Variants in LRRTM3 observed in about 807,000 individuals in gnomAD.
The protein encoded by LRRTM3 is leucine-rich repeat transmembrane neuronal protein 3.
LRRTM3 carries 24 observed loss-of-function variants against 44.7 expected under a neutral mutation model. That is an observed-to-expected ratio of 0.54 (90% CI 0.39 to 0.76). The LOEUF is 0.76. Among genes scored for constraint, LRRTM3 ranks in the 30% least tolerant of loss-of-function variants. The pLI is 0.00. For synonymous variants in LRRTM3, 277 were observed against 278.7 expected, an observed-to-expected ratio of 0.99 and a Z score of 0.06; for missense variants, 587 against 702.2, an observed-to-expected ratio of 0.84 and a Z score of 1.85.
intron 2 of LRRTM3, among the ~76,000 whole-genome samples, chr10:67,012,719 T>C (rs76992966): frequency 0.022 from 3,406 of 152,210 alleles, 141 homozygotes; most frequent in African/African-American, 0.078. Flanking sequence ...TTTGATGTAT[T>C]TCCAGCTTCA....
intron 2 of LRRTM3, among the ~76,000 whole-genome samples, chr10:66,978,051 CACATAT>C (rs79645754): frequency 4.1e-4 from 46 of 113,346 alleles, no homozygotes; most frequent in South Asian, 3.9e-3. Flanking sequence ...AATTTGCACA[CACATAT>C]ATATATATAT....
intron 2 of LRRTM3, among the ~76,000 whole-genome samples, chr10:67,045,673 C>T (rs933712224): frequency 1.3e-5 from 2 of 152,160 alleles, no homozygotes; most frequent in East Asian, 1.9e-4. Flanking sequence ...CTAGTCCTGG[C>T]GCGGGATGGG....
intron 2 of LRRTM3, among the ~76,000 whole-genome samples, chr10:66,936,782 T>G (rs1409445353): frequency 1.3e-5 from 2 of 152,148 alleles, no homozygotes; most frequent in African/African-American, 4.8e-5. Flanking sequence ...CAGAGCTTTC[T>G]TGGTTTCTTA....
In LRRTM3 at chr10:66,926,455, G is replaced by T. The variant is rs1231940513; in HGVS notation, c.-129G>T. 3.0e-6 allele frequency: 3 copies of T among 1,000,038 alleles called. No individual in the cohort carries two copies. The highest frequency in any genetic ancestry group is 4.6e-6 in the Non-Finnish European group (3 of 646,392). 61.9% of individuals were successfully genotyped at this position (1,000,038 alleles called of 1,614,324 possible). ...TTCCAAAATCGGTCCATCTCCCAAG[G>T]GGTCCAATTTTTCTTCCTGGGTGTC... On this transcript the variant is annotated 5_prime_UTR_variant, in exon 1 of 3. Coordinates refer to ENST00000361320, the MANE Select transcript of LRRTM3 (RefSeq NM_178011.5).
intron 2 of LRRTM3, among the ~76,000 whole-genome samples, chr10:67,087,059 G>A (rs373049698): frequency 3.9e-5 from 6 of 152,056 alleles, no homozygotes; most frequent in African/African-American, 7.2e-5. Context: ...CAAGATTAGA[G>A]AGGCTTTTGA....
intron 2 of LRRTM3, among the ~76,000 whole-genome samples, chr10:66,980,760 T>A (rs1325116831): frequency 6.6e-6 from 1 of 152,196 alleles, no homozygotes; most frequent in African/African-American, 2.4e-5. Flanking sequence ...GGGTCCATTG[T>A]CAGAGGACAA....
intron 2 of LRRTM3, among the ~76,000 whole-genome samples, chr10:67,014,318 T>G (rs59102106): frequency 0.016 from 2,472 of 152,244 alleles, 85 homozygotes; most frequent in African/African-American, 0.055. Context: ...TTTATGTCAT[T>G]CTGTTTTGTT....
chr10:66,968,223 A>T (rs936905233), intron 2 of LRRTM3, among the ~76,000 whole-genome samples: 2 of 151,998 alleles, frequency 1.3e-5, no homozygotes, highest in African/African-American at 4.8e-5. Flanking sequence ...CTGGCTGTGG[A>T]TTTTGGTATA....
chr10:66,956,586 T>A (rs939175015), intron 2 of LRRTM3, among the ~76,000 whole-genome samples: 5 of 152,176 alleles, frequency 3.3e-5, no homozygotes, highest in Non-Finnish European at 5.9e-5. Context: ...AGTGAAATGT[T>A]CTCTGCAAAA....
At chr10:67,094,007 A>G (rs1857817573) in intron 2 of LRRTM3, among the ~76,000 whole-genome samples, 1 of 151,956 alleles carries the variant, frequency 6.6e-6, no homozygotes, top group African/African-American at 2.4e-5. Flanking sequence ...TGTGTTGCAC[A>G]CTCAGCATCT....
At chr10:67,095,044 T>C (rs561369619) in intron 2 of LRRTM3, among the ~76,000 whole-genome samples, 9 of 117,280 alleles carry the variant, frequency 7.7e-5, no homozygotes, top group African/African-American at 3.3e-4. Context: ...TATGTTTATA[T>C]ATTATATATG....
chr10:67,035,845 C>T (rs1278864134), intron 2 of LRRTM3, among the ~76,000 whole-genome samples: 1 of 152,168 alleles, frequency 6.6e-6, no homozygotes, highest in Non-Finnish European at 1.5e-5. Flanking sequence ...TACAAAGAAA[C>T]TGTCCAGTAC....
At chr10:67,001,299 A>G (rs1851674774) in intron 2 of LRRTM3, among the ~76,000 whole-genome samples, 1 of 137,830 alleles carries the variant, frequency 7.3e-6, no homozygotes, top group Non-Finnish European at 1.6e-5. Context: ...GACTCTGTCT[A>G]AAAAAAAAAA....
chr10:66,948,741 G>C (rs949085407), intron 2 of LRRTM3, among the ~76,000 whole-genome samples: 29 of 152,138 alleles, frequency 1.9e-4, no homozygotes, highest in African/African-American at 6.3e-4. Flanking sequence ...ATAACAATCT[G>C]TTATTTGCTC....
chr10:67,026,672 T>C (rs1853409064), intron 2 of LRRTM3, among the ~76,000 whole-genome samples: 1 of 152,132 alleles, frequency 6.6e-6, no homozygotes. Flanking sequence ...AATTTCTTCA[T>C]AAAGCATCTC....
intron 2 of LRRTM3, among the ~76,000 whole-genome samples, chr10:66,954,479 C>T (rs1848690438): frequency 6.6e-6 from 1 of 152,116 alleles, no homozygotes; most frequent in South Asian, 2.1e-4. Context: ...GCATGTTGTG[C>T]ACTACACGGT....
At chr10:66,932,167 T>A (rs928482312) in intron 2 of LRRTM3, among the ~76,000 whole-genome samples, 1 of 152,144 alleles carries the variant, frequency 6.6e-6, no homozygotes, top group Non-Finnish European at 1.5e-5. Context: ...ACAATGATGT[T>A]ACAGTCTAAG....
At chr10:66,949,665 C>T (rs1010353317) in intron 2 of LRRTM3, among the ~76,000 whole-genome samples, 6 of 151,956 alleles carry the variant, frequency 3.9e-5, no homozygotes, top group African/African-American at 1.2e-4. Context: ...GATTGGAGTA[C>T]CACTACGTAT....
rs1848488768 is a variant in LRRTM3 at position 66,950,541 on chromosome 10, A to G, written c.1536+22089A>G. Among the ~76,000 whole-genome samples, 6 of 152,050 alleles carry G rather than the reference A, an allele frequency of 3.9e-5. No individual in the cohort carries two copies. In the South Asian group the frequency reaches 1.2e-3, roughly 31 times the overall value. ...CCCTATCTTTGTCAAAATATGTATG[A>G]TATTTGAGATTTAGTTCATATCATA... On this transcript the variant is annotated intron_variant, in intron 2 of 2. Transcript: ENST00000361320.
Sources: allele counts gnomAD v4.1 joint callset (sites outside exome capture counted in the v4.1 genomes callset), GRCh38; gene constraint gnomAD v4.1.1; transcripts MANE v1.5; gene names NCBI Gene and HGNC (gene_info 2026-07-23, HGNC 2026-07-21).